The following KIAA1217 variants were observed in gnomAD, a reference collection of about 807,000 sequenced individuals.
KIAA1217 encodes the protein sickle tail protein homolog.
In KIAA1217, 88 loss-of-function variants were observed where a neutral mutation model predicts 163.9. That is an observed-to-expected ratio of 0.54 (90% confidence interval 0.45 to 0.64). The LOEUF is 0.64. KIAA1217 is among the 30% of genes least tolerant of loss of function. The pLI is 0.00. For synonymous variants in KIAA1217, 903 were observed against 923.1 expected (o/e 0.98, Z 0.39); for missense variants, 2,372 against 2,475.0 (o/e 0.96, Z 0.88).
intron 2 of KIAA1217, among the ~76,000 whole-genome samples, chr10:24,357,668 C>T (rs2049292215): frequency 6.6e-6 from 1 of 152,100 alleles, no homozygotes; most frequent in South Asian, 2.1e-4. Flanking sequence ...TTTTGTTTAA[C>T]TTAAGTTTCG....
intron 2 of KIAA1217, among the ~76,000 whole-genome samples, chr10:24,072,052 G>C (rs2061206483): frequency 6.6e-6 from 1 of 151,956 alleles, no homozygotes; most frequent in Admixed American, 6.6e-5. Flanking sequence ...TAGAGATGAG[G>C]TTCTACTCCA....
chr10:24,501,598 C>T (rs2067593149), intron 9 of KIAA1217, 53 bp downstream of exon 9: 17 of 1,543,482 alleles, frequency 1.1e-5, no homozygotes, highest in Middle Eastern at 2.3e-4. Flanking sequence ...CTCTTCCTAC[C>T]TTCCTTTTCC....
chr10:24,495,109 G>T, intron 7 of KIAA1217, 38 bp from the exon 8 acceptor site: 1 of 1,539,150 alleles, frequency 6.5e-7, no homozygotes, highest in Admixed American at 2.1e-5. Flanking sequence ...AAGGCATTTT[G>T]GAAACTGCAT....
intron 5 of KIAA1217, among the ~76,000 whole-genome samples, chr10:24,460,926 G>A (rs1191917714): frequency 2.0e-5 from 3 of 152,142 alleles, no homozygotes; most frequent in Non-Finnish European, 4.4e-5. Context: ...GGAGCAATTG[G>A]TAGTAAGAAG....
intron 1 of KIAA1217, among the ~76,000 whole-genome samples, chr10:23,742,199 G>A (rs1564382741): frequency 6.6e-6 from 1 of 152,064 alleles, no homozygotes; most frequent in Non-Finnish European, 1.5e-5. Context: ...AAAAATGCAT[G>A]CAAGATTTTT....
chr10:24,358,562 A>T (rs2049435189), intron 2 of KIAA1217, among the ~76,000 whole-genome samples: 1 of 152,158 alleles, frequency 6.6e-6, no homozygotes, highest in African/African-American at 2.4e-5. Context: ...AAGCTCTCAT[A>T]AATCTATTGC....
chr10:24,143,596 AT>A (rs940476443), intron 2 of KIAA1217, among the ~76,000 whole-genome samples: 3 of 151,944 alleles, frequency 2.0e-5, no homozygotes, highest in Non-Finnish European at 4.4e-5. Context: ...ATGCCCCACC[AT>A]TTTGGGGCTA....
intron 1 of KIAA1217, among the ~76,000 whole-genome samples, chr10:23,946,034 G>A (rs1844024706): frequency 6.6e-6 from 1 of 152,142 alleles, no homozygotes; most frequent in Admixed American, 6.6e-5. Context: ...TGGTGAAATA[G>A]TAATTGTGGT....
At chr10:23,884,180 T>C (rs1305924755) in intron 1 of KIAA1217, among the ~76,000 whole-genome samples, 1 of 151,930 alleles carries the variant, frequency 6.6e-6, no homozygotes, top group Non-Finnish European at 1.5e-5. Flanking sequence ...TGTAAGAAAC[T>C]ACCCAACTTT....
intron 1 of KIAA1217, among the ~76,000 whole-genome samples, chr10:23,772,699 CAATT>C (rs1446879452): frequency 6.6e-6 from 1 of 152,108 alleles, no homozygotes; most frequent in African/African-American, 2.4e-5. Flanking sequence ...ATTGCTGAGA[CAATT>C]AAAAGGAAAA....
At chr10:23,809,219 G>A (rs1286285421) in intron 1 of KIAA1217, among the ~76,000 whole-genome samples, 1 of 151,964 alleles carries the variant, frequency 6.6e-6, no homozygotes, top group African/African-American at 2.4e-5. Context: ...GCAAGTAAAA[G>A]TAATATTGGA....
chr10:24,400,716 A>G (rs2056424420), intron 3 of KIAA1217, among the ~76,000 whole-genome samples: 1 of 152,150 alleles, frequency 6.6e-6, no homozygotes, highest in African/African-American at 2.4e-5. Flanking sequence ...AGAGAGAAAT[A>G]GTCAACCAGA....
chr10:24,055,525 C>T (rs564601565), intron 2 of KIAA1217, among the ~76,000 whole-genome samples: 1 of 152,240 alleles, frequency 6.6e-6, no homozygotes, highest in South Asian at 2.1e-4. Context: ...TTTCAGCATC[C>T]TTCCATTCTT....
chr10:24,165,111 A>G (rs761620559), intron 2 of KIAA1217, among the ~76,000 whole-genome samples: 1 of 152,186 alleles, frequency 6.6e-6, no homozygotes, highest in Non-Finnish European at 1.5e-5. Context: ...AAGCAAAGAG[A>G]AGTGGCCAGG....
At chr10:24,063,614 G>A (rs1022941045) in intron 2 of KIAA1217, among the ~76,000 whole-genome samples, 1 of 152,128 alleles carries the variant, frequency 6.6e-6, no homozygotes, top group Non-Finnish European at 1.5e-5. Flanking sequence ...GATTGACTTG[G>A]CAATGTGGGC....
intron 2 of KIAA1217, among the ~76,000 whole-genome samples, chr10:24,310,086 T>G (rs1231225288): frequency 6.6e-6 from 1 of 152,222 alleles, no homozygotes; most frequent in Non-Finnish European, 1.5e-5. Flanking sequence ...CTGCTTTTTT[T>G]CTTGACTCCC....
At chr10:24,327,145 G>A (rs1394621664) in intron 2 of KIAA1217, among the ~76,000 whole-genome samples, 2 of 152,210 alleles carry the variant, frequency 1.3e-5, no homozygotes, top group African/African-American at 4.8e-5. Flanking sequence ...TTCTAAATTG[G>A]TATTGCTTAT....
intron 5 of KIAA1217, among the ~76,000 whole-genome samples, chr10:24,462,282 C>T (rs1384898324): frequency 6.6e-6 from 1 of 152,094 alleles, no homozygotes; most frequent in African/African-American, 2.4e-5. Context: ...CTAAATCATT[C>T]GAGCCGAAGC....
chr10:23,890,824 C>T (rs1320924618), intron 1 of KIAA1217, among the ~76,000 whole-genome samples: 1 of 151,978 alleles, frequency 6.6e-6, no homozygotes, highest in Non-Finnish European at 1.5e-5. Flanking sequence ...ACTTGATCTG[C>T]TAACTACTAA....
Sources: gnomAD v4.1 joint callset for allele counts (sites outside exome capture counted in the v4.1 genomes callset) on GRCh38, gnomAD v4.1.1 for gene constraint, MANE v1.5 for transcripts, NCBI Gene and HGNC (gene_info 2026-07-23, HGNC 2026-07-21) for gene names.